Variants in UGT1A10 observed in about 807,000 individuals in gnomAD.
UGT1A10 encodes the protein UDP-glucuronosyltransferase 1A10.
In UGT1A10, 49 loss-of-function variants were observed where a neutral mutation model predicts 45.8. The ratio of observed to expected loss-of-function variants is 1.07; its 90% CI spans 0.85 to 1.36. The LOEUF (loss-of-function observed/expected upper bound fraction) is 1.36. Among genes scored for constraint, UGT1A10 ranks in the 40% most tolerant of loss-of-function variants. UGT1A10 has a pLI of 0.00. For missense variants in UGT1A10, 745 were observed against 668.6 expected (o/e 1.11, Z -1.26); for synonymous variants, 284 against 249.7 (o/e 1.14, Z -1.29).
At chr2:233,644,471 G>A (rs906318339) in intron 1 of UGT1A10, among the ~76,000 whole-genome samples, 8 of 152,156 alleles carry the variant, frequency 5.3e-5, no homozygotes, top group Admixed American at 1.3e-4. Context: ...AGGAAGCAGA[G>A]ATTCGCTTGA....
chr2:233,638,289 C>A (rs1015143242), intron 1 of UGT1A10, among the ~76,000 whole-genome samples: 10 of 152,092 alleles, frequency 6.6e-5, no homozygotes, highest in African/African-American at 2.4e-4. Flanking sequence ...ACTTTAGAAA[C>A]TATTTTGTAC....
chr2:233,651,158 G>A (rs975710081), intron 1 of UGT1A10, among the ~76,000 whole-genome samples: 1 of 152,150 alleles, frequency 6.6e-6, no homozygotes, highest in African/African-American at 2.4e-5. Flanking sequence ...ACTTTTCAAA[G>A]TGCTTCTCTC....
intron 1 of UGT1A10, chr2:233,747,485 C>T: frequency 6.2e-7 from 1 of 1,608,768 alleles, no homozygotes; most frequent in Non-Finnish European, 8.5e-7. Flanking sequence ...AATTTGATCG[C>T]CTTGTGCTGG....
At position 233,760,569 on chromosome 2, in the gene UGT1A10, T is replaced by C. The variant is rs146052898; in HGVS notation, c.856-6465T>C. On this transcript the variant is annotated intron_variant, in intron 1 of 4. Transcript: ENST00000344644. ...AGGATGTGAAAGAGTCTTTTGTTAGTCTCGGGCATAATGTTTTTGAGAATG... is the reference window on the plus strand; with the variant it reads ...AGGATGTGAAAGAGTCTTTTGTTAGCCTCGGGCATAATGTTTTTGAGAATG... 389 of 1,614,128 alleles carry C rather than the reference T, an allele frequency of 2.4e-4. No homozygotes were observed. The highest frequency in any genetic ancestry group is 3.1e-4 in the Non-Finnish European group (360 of 1,180,054).
At position 233,637,029 on chromosome 2, in the gene UGT1A10, C is replaced by T. The variant is rs779221713; in HGVS notation, c.507C>T (p.Thr169=). The T allele has an allele frequency of 7.4e-6, 12 of 1,613,946 alleles. No individual in the cohort carries two copies. The highest frequency in any genetic ancestry group is 2.2e-5 in the East Asian group (1 of 44,870). ...TCTCCCTCCCCTCTGTGGTCTTCAC[C>T]AGGGGAATATTTTGCCACCATCTTG... The part of the protein sequence containing the change: ...KYFSLPSVVF[T]RGIFCHHLEE... The change falls in exon 1 of 5, where the codon ACC becomes ACT. Residue 169 remains threonine (T), a synonymous_variant. Coordinates refer to ENST00000344644, the MANE Select transcript of UGT1A10 (RefSeq NM_019075.4).
Position 233,769,401 on chromosome 2 carries a change from G to A in UGT1A10, c.1295+962G>A. On this transcript the variant is annotated intron_variant, in intron 4 of 4. Coordinates refer to ENST00000344644, the MANE Select transcript of UGT1A10 (RefSeq NM_019075.4). This position sits in a 1 kb window ranked among gnomAD's most constrained non-coding sequence, Gnocchi z 4.4. ...CCGACAATAGATACTGTGTGCATATGTGCGTGTGCGTTTGTGCATGTGGCT... is the reference window on the plus strand; with the variant it reads ...CCGACAATAGATACTGTGTGCATATATGCGTGTGCGTTTGTGCATGTGGCT... 1 of 1,194,732 alleles carries A rather than the reference G, an allele frequency of 8.4e-7. No homozygotes were observed. 74.0% of individuals were successfully genotyped at this position (1,194,732 alleles called of 1,614,324 possible).
chr2:233,703,328 T>C (rs937149928), intron 1 of UGT1A10, among the ~76,000 whole-genome samples: 4 of 152,052 alleles, frequency 2.6e-5, no homozygotes, highest in African/African-American at 9.7e-5. Flanking sequence ...CAATTTTGAG[T>C]CTTCTCTCTT....
chr2:233,636,880 T>C lies in UGT1A10; in HGVS notation c.358T>C (p.Phe120Leu), dbSNP rs2073305922. Residue 120 changes from phenylalanine (F) to leucine (L), a missense_variant, in exon 1 of 5, where the codon TTT (phenylalanine) becomes CTT (leucine). Transcript: ENST00000344644. Reference sequence around the variant, plus strand: ...TTCATCCAGTGGTTTTCTTGACTTATTTTTTTCGCATTGCAGGAGTTTGTT... The same window carrying C: ...TTCATCCAGTGGTTTTCTTGACTTACTTTTTTCGCATTGCAGGAGTTTGTT... ...MSSSSGFLDL[F>L]FSHCRSLFND... 2 of 1,614,088 alleles carry C rather than the reference T, an allele frequency of 1.2e-6. No individual in the cohort carries two copies. The highest frequency in any genetic ancestry group is 1.7e-6 in the Non-Finnish European group (2 of 1,180,006).
At chr2:233,748,253 G>T (rs1389891866) in intron 1 of UGT1A10, among the ~76,000 whole-genome samples, 3 of 151,736 alleles carry the variant, frequency 2.0e-5, no homozygotes, top group Non-Finnish European at 2.9e-5. Flanking sequence ...CGTATTTCAG[G>T]TTTTAAATGG....
intron 1 of UGT1A10, chr2:233,755,263 C>T: frequency 1.2e-6 from 1 of 800,084 alleles, no homozygotes; most frequent in South Asian, 1.5e-5. Context: ...TCGTAGTAGT[C>T]CACTATGCTG....
intron 1 of UGT1A10, among the ~76,000 whole-genome samples, chr2:233,658,759 C>G (rs1575406525): frequency 6.6e-6 from 1 of 152,212 alleles, no homozygotes; most frequent in Non-Finnish European, 1.5e-5. Context: ...TGTCTTTGCA[C>G]TTTTGTAAAA....
At position 233,672,062 on chromosome 2, in the gene UGT1A10, C is replaced by T. The variant is rs144147859; in HGVS notation, c.855+34685C>T. ...GGGAGCCACTGGTTCACCATGAGGT[C>T]GGTGGTGGAGAAACTCATTCTCAGG... is the stretch of plus-strand genomic sequence containing the variant. On this transcript the variant is annotated intron_variant, in intron 1 of 4. Coordinates refer to ENST00000344644, the MANE Select transcript of UGT1A10 (RefSeq NM_019075.4). The T allele has an allele frequency of 2.6e-5, 42 of 1,613,896 alleles. No homozygotes were observed. The highest frequency in any genetic ancestry group is 2.1e-4 in the African/African-American group (16 of 74,882).
At position 233,773,226 on chromosome 2, in the gene UGT1A10, A is replaced by C. The variant is rs989910459; in HGVS notation, c.*667A>C. 2 of 152,382 alleles carry C rather than the reference A, an allele frequency of 1.3e-5. No homozygotes were observed. Among genetic ancestry groups the C allele is most frequent in the Non-Finnish European group, 2.9e-5 (2 of 68,036 alleles). 9.4% of individuals were successfully genotyped at this position (152,382 alleles called of 1,614,324 possible). ...ATAAAAACCCAAAATACAGCTATGA[A>C]GTGCTGGGCAAGTTTACTTTTTTTC... On this transcript the variant is annotated 3_prime_UTR_variant, in exon 5 of 5. Coordinates refer to ENST00000344644, the MANE Select transcript of UGT1A10 (RefSeq NM_019075.4).
intron 1 of UGT1A10, chr2:233,747,121 A>G (rs1359670371): frequency 1.4e-6 from 2 of 1,477,058 alleles, no homozygotes; most frequent in African/African-American, 2.8e-5. Flanking sequence ...TGATTTGCTA[A>G]GTGGCTCAGT....
chr2:233,677,138 A>G (rs532182444), intron 1 of UGT1A10, among the ~76,000 whole-genome samples: 1 of 152,314 alleles, frequency 6.6e-6, no homozygotes, highest in Admixed American at 6.5e-5. Context: ...ACTGGGGAGA[A>G]ACAACATCTT....
chr2:233,679,344 CT>C (rs2074449555), intron 1 of UGT1A10, among the ~76,000 whole-genome samples: 1 of 152,168 alleles, frequency 6.6e-6, no homozygotes, highest in African/African-American at 2.4e-5. Context: ...TTGAGTCCTT[CT>C]TTTTGTACAA....
intron 1 of UGT1A10, among the ~76,000 whole-genome samples, chr2:233,694,083 G>C (rs971459828): frequency 6.6e-6 from 1 of 152,210 alleles, no homozygotes. Flanking sequence ...CTTGGCAAGA[G>C]TAGGAGATTT....
At chr2:233,684,467 G>A (rs1367938076) in intron 1 of UGT1A10, among the ~76,000 whole-genome samples, 3 of 152,098 alleles carry the variant, frequency 2.0e-5, no homozygotes, top group Non-Finnish European at 4.4e-5. Flanking sequence ...CCCATGCTGA[G>A]TTTGTTGTGG....
chr2:233,719,346 A>C (rs45540231), intron 1 of UGT1A10: 4 of 1,613,698 alleles, frequency 2.5e-6, no homozygotes, highest in Non-Finnish European at 3.4e-6. Flanking sequence ...TTGGAGGTAC[A>C]TTCCATGTGA....
Sources: allele counts gnomAD v4.1 joint callset (sites outside exome capture counted in the v4.1 genomes callset), GRCh38; gene constraint gnomAD v4.1.1; non-coding constraint Gnocchi (gnomAD v3.1); transcripts MANE v1.5; gene names NCBI Gene and HGNC (gene_info 2026-07-23, HGNC 2026-07-21).